The following RUNX2 variants were observed in gnomAD, a reference collection of about 807,000 sequenced individuals.
RUNX2 encodes RUNX family transcription factor 2, also known as runt-related transcription factor 2.
In RUNX2, 10 loss-of-function variants were observed where a neutral mutation model predicts 51.7. The ratio of observed to expected loss-of-function variants is 0.19; its 90% CI spans 0.12 to 0.33. The LOEUF is 0.33. RUNX2 is among the 10% of genes least tolerant of loss of function. The pLI is 1.00. For missense variants in RUNX2, 562 were observed against 691.3 expected (o/e 0.81, Z 2.10); for synonymous variants, 276 against 273.6 (o/e 1.01, Z -0.09).
intron 7 of RUNX2, among the ~76,000 whole-genome samples, chr6:45,540,550 A>G (rs1409553411): frequency 6.6e-6 from 1 of 152,060 alleles, no homozygotes; most frequent in Non-Finnish European, 1.5e-5. Context: ...CATCTATAGA[A>G]CTCATCTATG....
At chr6:45,487,585 C>T (rs1421172523) in intron 5 of RUNX2, among the ~76,000 whole-genome samples, 1 of 151,888 alleles carries the variant, frequency 6.6e-6, no homozygotes, top group South Asian at 2.1e-4. Context: ...AAGGTTTTGC[C>T]CACTAGATTC....
chr6:45,337,389 CA>C (rs1316985433), intron 2 of RUNX2, among the ~76,000 whole-genome samples: 1 of 151,650 alleles, frequency 6.6e-6, no homozygotes, highest in African/African-American at 2.4e-5. Context: ...AAAAAAGCTC[CA>C]AAACTTTAAC....
At chr6:45,426,459 C>T (rs1000609162) in intron 3 of RUNX2, among the ~76,000 whole-genome samples, 1 of 152,186 alleles carries the variant, frequency 6.6e-6, no homozygotes, top group Non-Finnish European at 1.5e-5. Flanking sequence ...TCCAGTAGCA[C>T]CCTTTTAGTT....
chr6:45,438,311 G>T (rs1798747984), intron 5 of RUNX2, among the ~76,000 whole-genome samples: 1 of 152,168 alleles, frequency 6.6e-6, no homozygotes, highest in Admixed American at 6.5e-5. Flanking sequence ...TTCAGTCACT[G>T]TTAACTATTT....
intron 7 of RUNX2, among the ~76,000 whole-genome samples, chr6:45,540,713 G>C (rs568341655): frequency 6.6e-6 from 1 of 152,178 alleles, no homozygotes; most frequent in African/African-American, 2.4e-5. Flanking sequence ...AAGGAAGGAC[G>C]AGTGTGCTTA....
At chr6:45,367,396 G>C (rs1474810356) in intron 2 of RUNX2, among the ~76,000 whole-genome samples, 2 of 151,654 alleles carry the variant, frequency 1.3e-5, no homozygotes. Flanking sequence ...AAGACTTTTG[G>C]AATAAGTACT....
At chr6:45,368,165 T>C (rs1366490748) in intron 2 of RUNX2, among the ~76,000 whole-genome samples, 1 of 152,316 alleles carries the variant, frequency 6.6e-6, no homozygotes, top group South Asian at 2.1e-4. Flanking sequence ...CAGCTTTCAA[T>C]TGAAAATGCA....
At chr6:45,391,660 T>C (rs1284779482) in intron 2 of RUNX2, among the ~76,000 whole-genome samples, 1 of 152,094 alleles carries the variant, frequency 6.6e-6, no homozygotes, top group Non-Finnish European at 1.5e-5. Flanking sequence ...CTTACAGTCA[T>C]GGTGGAAAGC....
At chr6:45,475,464 C>G (rs1182601499) in intron 5 of RUNX2, among the ~76,000 whole-genome samples, 1 of 152,184 alleles carries the variant, frequency 6.6e-6, no homozygotes, top group Non-Finnish European at 1.5e-5. Context: ...TGCAGGTATA[C>G]TGATGGAAGG....
At chr6:45,507,680 T>C (rs1047765012) in intron 6 of RUNX2, among the ~76,000 whole-genome samples, 1 of 152,334 alleles carries the variant, frequency 6.6e-6, no homozygotes, top group South Asian at 2.1e-4. Flanking sequence ...AGGATTTCTC[T>C]GGGAAGAAAC....
intron 7 of RUNX2, among the ~76,000 whole-genome samples, chr6:45,524,020 T>C (rs544268673): frequency 6.6e-6 from 1 of 152,314 alleles, no homozygotes; most frequent in Admixed American, 6.5e-5. Context: ...TATGATAAAA[T>C]GCAAATGACA....
intron 6 of RUNX2, among the ~76,000 whole-genome samples, chr6:45,505,469 A>G (rs1467329886): frequency 6.6e-6 from 1 of 151,148 alleles, no homozygotes; most frequent in Non-Finnish European, 1.5e-5. Flanking sequence ...ATTTGAAAGT[A>G]TGGAGACTCC....
intron 2 of RUNX2, among the ~76,000 whole-genome samples, chr6:45,418,602 C>T (rs955095069): frequency 6.6e-6 from 1 of 152,156 alleles, no homozygotes; most frequent in Non-Finnish European, 1.5e-5. Context: ...TCCTATGTGC[C>T]TACGATTAAC....
At chr6:45,479,573 T>C (rs1800051702) in intron 5 of RUNX2, among the ~76,000 whole-genome samples, 1 of 152,054 alleles carries the variant, frequency 6.6e-6, no homozygotes, top group African/African-American at 2.4e-5. Flanking sequence ...AGAGATAATA[T>C]AAATTTATAA....
chr6:45,450,479 C>T (rs1002066016), intron 5 of RUNX2, among the ~76,000 whole-genome samples: 1 of 152,226 alleles, frequency 6.6e-6, no homozygotes, highest in African/African-American at 2.4e-5. Context: ...GAGGAGCCTA[C>T]ATTCTGTAGA....
At chr6:45,400,353 C>T (rs1797686755) in intron 2 of RUNX2, among the ~76,000 whole-genome samples, 1 of 152,142 alleles carries the variant, frequency 6.6e-6, no homozygotes, top group African/African-American at 2.4e-5. Context: ...GTTTTCTTTC[C>T]TGTCTAACTT....
At chr6:45,390,849 G>A (rs1426128496) in intron 2 of RUNX2, among the ~76,000 whole-genome samples, 2 of 152,138 alleles carry the variant, frequency 1.3e-5, no homozygotes, top group Non-Finnish European at 2.9e-5. Context: ...GTGGGGCAAG[G>A]GAGTACATTT....
chr6:45,450,229 G>A (rs567659679), intron 5 of RUNX2, among the ~76,000 whole-genome samples: 19 of 152,318 alleles, frequency 1.2e-4, no homozygotes, highest in African/African-American at 4.6e-4. Flanking sequence ...AAGGGCCTGT[G>A]CTGCCTGAAT....
intron 5 of RUNX2, among the ~76,000 whole-genome samples, chr6:45,452,845 A>G (rs767922118): frequency 6.6e-6 from 1 of 152,210 alleles, no homozygotes; most frequent in Non-Finnish European, 1.5e-5. Context: ...GAAAGGAAAA[A>G]TACTCAGAAA....
Sources: allele counts gnomAD v4.1 joint callset (sites outside exome capture counted in the v4.1 genomes callset), GRCh38; gene constraint gnomAD v4.1.1; transcripts MANE v1.5; gene names NCBI Gene and HGNC (gene_info 2026-07-23, HGNC 2026-07-21).